NDST3: variants seen among roughly 807,000 people sequenced by gnomAD.
The protein encoded by NDST3 is N-deacetylase and N-sulfotransferase 3, also known as bifunctional heparan sulfate N-deacetylase/N-sulfotransferase 3.
NDST3 carries 58 observed loss-of-function variants against 96.1 expected under a neutral mutation model. The ratio of observed to expected loss-of-function variants is 0.60; its 90% confidence interval spans 0.49 to 0.75. The LOEUF (loss-of-function observed/expected upper bound fraction) is 0.75. Among genes scored for constraint, NDST3 ranks in the 30% least tolerant of loss-of-function variants. The pLI, the probability that NDST3 is intolerant of heterozygous loss-of-function variation, is 0.00. For synonymous variants in NDST3, 333 were observed against 359.7 expected (o/e 0.93, Z 0.84); for missense variants, 788 against 1,034.2 (o/e 0.76, Z 3.27).
At chr4:118,238,208 AAAGAAAGAAAGAAAG>A in intron 10 of NDST3, among the ~76,000 whole-genome samples, 1 of 142,776 alleles carries the variant, frequency 7.0e-6, no homozygotes, top group Non-Finnish European at 1.5e-5. Flanking sequence ...AGAAAGAAAG[AAAGAAAGAAAGAAAG>A]AAAAAGAAAG....
chr4:118,159,650 A>C (rs1463610114), intron 6 of NDST3, among the ~76,000 whole-genome samples: 1 of 152,232 alleles, frequency 6.6e-6, no homozygotes, highest in Non-Finnish European at 1.5e-5. Flanking sequence ...AATCATCATA[A>C]AGATGTTCAA....
At chr4:118,096,445 A>T (rs1399001456) in intron 2 of NDST3, among the ~76,000 whole-genome samples, 3 of 151,876 alleles carry the variant, frequency 2.0e-5, no homozygotes, top group Non-Finnish European at 2.9e-5. Context: ...TGGTTCTCCC[A>T]AACCAGCTGA....
chr4:118,248,557 A>G (rs576627540), intron 12 of NDST3, among the ~76,000 whole-genome samples: 1 of 152,218 alleles, frequency 6.6e-6, no homozygotes, highest in Non-Finnish European at 1.5e-5. Context: ...TGGAGACACA[A>G]TGATGAACAA....
chr4:118,116,223 A>G (rs1731083069), intron 4 of NDST3, among the ~76,000 whole-genome samples: 1 of 152,216 alleles, frequency 6.6e-6, no homozygotes, highest in South Asian at 2.1e-4. Context: ...TCACTAATAA[A>G]TTATGTGGGG....
intron 4 of NDST3, among the ~76,000 whole-genome samples, chr4:118,116,869 A>C (rs1731175874): frequency 6.6e-6 from 1 of 152,150 alleles, no homozygotes; most frequent in South Asian, 2.1e-4. Context: ...AAAAAAGAAA[A>C]AAAAAAAAGA....
At chr4:118,181,332 G>A (rs191540286) in intron 6 of NDST3, among the ~76,000 whole-genome samples, 235 of 152,242 alleles carry the variant, frequency 1.5e-3, no homozygotes, top group African/African-American at 5.2e-3. Context: ...GAAGATAAAC[G>A]ATGGTTAAAA....
In NDST3 at chr4:118,138,092, C is replaced by A. The variant is rs996491511; in HGVS notation, c.1263C>A (p.Ala421=). The A allele has an allele frequency of 5.6e-6, 9 of 1,613,004 alleles. No homozygotes were observed. The highest frequency in any genetic ancestry group is 1.7e-5 in the Admixed American group (1 of 59,870). Residue 421 remains alanine (A), a synonymous_variant, in exon 5 of 14, where the codon GCC becomes GCA. Coordinates refer to ENST00000296499, the MANE Select transcript of NDST3 (RefSeq NM_004784.3). ...CAACGGACATGGGCTACGCTGTGGC[C>A]CCTCACCATTCGGGCGTCTACCCTG... ...GIPTDMGYAV[A]PHHSGVYPVH...
At chr4:118,157,757 T>C (rs1439211040) in intron 6 of NDST3, among the ~76,000 whole-genome samples, 2 of 152,064 alleles carry the variant, frequency 1.3e-5, no homozygotes. Context: ...ATGTTTTACA[T>C]ATAGTCAAAA....
chr4:118,104,981 T>A (rs771750719), intron 2 of NDST3, 37 bp from the exon 3 acceptor site: 1 of 1,572,728 alleles, frequency 6.4e-7, no homozygotes, highest in South Asian at 1.1e-5. Flanking sequence ...TTAATGCCAT[T>A]CTTTACCTGA....
At chr4:118,046,615 C>T (rs1463197830) in intron 1 of NDST3, among the ~76,000 whole-genome samples, 4 of 152,150 alleles carry the variant, frequency 2.6e-5, no homozygotes, top group South Asian at 4.1e-4. Flanking sequence ...TTATGTTCCT[C>T]GTGGCTTGGG....
intron 12 of NDST3, among the ~76,000 whole-genome samples, chr4:118,251,686 T>C (rs1741748207): frequency 6.6e-6 from 1 of 152,208 alleles, no homozygotes; most frequent in Non-Finnish European, 1.5e-5. Flanking sequence ...CAATCTTCAT[T>C]ACTGTAGAAT....
chr4:118,149,277 T>C (rs1734201371), intron 6 of NDST3, among the ~76,000 whole-genome samples: 1 of 151,646 alleles, frequency 6.6e-6, no homozygotes, highest in Non-Finnish European at 1.5e-5. Flanking sequence ...AGTAGTTTTT[T>C]CCAATTCTGT....
At chr4:118,218,566 A>G (rs1739339053) in intron 6 of NDST3, among the ~76,000 whole-genome samples, 1 of 152,210 alleles carries the variant, frequency 6.6e-6, no homozygotes, top group Non-Finnish European at 1.5e-5. Context: ...GCTATTTATG[A>G]CAAACCCACA....
intron 2 of NDST3, among the ~76,000 whole-genome samples, chr4:118,101,384 T>C (rs1729752488): frequency 7.0e-6 from 1 of 142,618 alleles, no homozygotes; most frequent in Non-Finnish European, 1.6e-5. Flanking sequence ...AAAAAAAAAC[T>C]AAGTTAGTGG....
chr4:118,226,791 C>T, intron 7 of NDST3, 95 bp from the exon 8 acceptor site: 3 of 828,730 alleles, frequency 3.6e-6, no homozygotes, highest in South Asian at 1.8e-5. Flanking sequence ...CCAGCGTTTC[C>T]TGGTATACTT....
intron 12 of NDST3, 146 bp downstream of exon 12, chr4:118,242,295 AC>A: frequency 3.6e-6 from 2 of 554,312 alleles, no homozygotes; most frequent in Non-Finnish European, 3.2e-6. Flanking sequence ...GAAAAAAAAA[AC>A]ATTTCAACAG....
intron 6 of NDST3, among the ~76,000 whole-genome samples, chr4:118,144,909 T>G (rs1459835510): frequency 1.3e-5 from 2 of 152,126 alleles, no homozygotes; most frequent in Non-Finnish European, 2.9e-5. Flanking sequence ...CAATTCTGCT[T>G]GTATTCATCA....
rs35067389 is a variant in NDST3, at chr4:118,058,430, C to CAAAAAAAAAAAAAA, written c.981+3542_981+3555dup. On this transcript the variant is annotated intron_variant, in intron 2 of 13. Transcript: ENST00000296499. ...TTTCATTCTTTGTGCCACAAAAAGA[C>CAAAAAAAAAAAAAA]AAAAAAAAAAAAAAAACAGACCTAA... 1.2e-4 allele frequency among the ~76,000 whole-genome samples: 14 copies of CAAAAAAAAAAAAAA among 118,116 alleles called. 2 individuals carry two copies. The highest frequency in any genetic ancestry group is 1.7e-4 in the Non-Finnish European group (10 of 59,308). The allele number at this position is 118,116 out of a possible 152,430, so 77.5% of individuals were successfully genotyped here.
intron 2 of NDST3, among the ~76,000 whole-genome samples, chr4:118,091,509 G>A (rs1161892203): frequency 6.6e-6 from 1 of 151,698 alleles, no homozygotes; most frequent in African/African-American, 2.4e-5. Context: ...GAGAAATTGA[G>A]CATGGCAGTT....
Sources: gnomAD v4.1 joint callset for allele counts (sites outside exome capture counted in the v4.1 genomes callset) on GRCh38, gnomAD v4.1.1 for gene constraint, MANE v1.5 for transcripts, NCBI Gene and HGNC (gene_info 2026-07-23, HGNC 2026-07-21) for gene names.